Variants in ADORA2B observed in about 807,000 individuals in gnomAD.
ADORA2B encodes adenosine receptor A2b.
ADORA2B carries 18 observed loss-of-function variants against 20.8 expected under a neutral mutation model. That is an observed-to-expected ratio of 0.87 (90% confidence interval 0.60 to 1.29). The LOEUF (loss-of-function observed/expected upper bound fraction) is 1.29. Among genes scored for constraint, ADORA2B ranks in the 50% most tolerant of loss-of-function variants. The probability of loss-of-function intolerance (pLI) is 0.00; values close to 1 mark genes in which losing one functional copy is unlikely to be tolerated. For synonymous variants in ADORA2B, 179 were observed against 178.3 expected, an observed-to-expected ratio of 1.00 and a Z score of -0.03; for missense variants, 441 against 422.7, an observed-to-expected ratio of 1.04 and a Z score of -0.38.
chr17:15,965,421 G>A (rs1026136637), intron 1 of ADORA2B, among the ~76,000 whole-genome samples: 7 of 152,178 alleles, frequency 4.6e-5, no homozygotes, highest in African/African-American at 1.7e-4. Flanking sequence ...GACAGAAAAT[G>A]CAGTTGTGTG....
Position 15,975,049 on chromosome 17 carries a change from C to G in ADORA2B, c.706C>G (p.Leu236Val), listed in dbSNP as rs771264466. Residue 236 changes from leucine to valine, a missense_variant, in exon 2 of 2, where the codon CTG becomes GTG. Physicochemically the swap from Leu to Val is conservative, Grantham distance 32 (BLOSUM62 1). Transcript: ENST00000304222. ...GCGGGAGATCCATGCAGCCAAGTCA[C>G]TGGCCATGATTGTGGGGATTTTTGC... ...LQREIHAAKSLAMIVGIFALC... is the reference protein window; with the variant it reads ...LQREIHAAKSVAMIVGIFALC... The G allele has an allele frequency of 8.7e-6, 14 of 1,614,086 alleles. No homozygotes were observed. Among genetic ancestry groups the G allele is most frequent in the Non-Finnish European group, 1.1e-5 (13 of 1,180,046 alleles).
At chr17:15,942,010 C>T (rs539177793), upstream of ADORA2B, among the ~76,000 whole-genome samples, 60 of 151,834 alleles carry the variant, frequency 4.0e-4, no homozygotes, top group African/African-American at 1.2e-3. Context: ...GGGGAGAGGA[C>T]GGAGAAGGGA....
At chr17:15,927,002 A>G in the ADORA2B span, among the ~76,000 whole-genome samples, 52 of 152,104 alleles carry the variant, frequency 3.4e-4, no homozygotes, top group Non-Finnish European at 6.9e-4. Context: ...AAAATAAGCA[A>G]TCTCTTTGGT....
intron 1 of ADORA2B, among the ~76,000 whole-genome samples, chr17:15,949,746 C>T (rs1453707073): frequency 6.6e-6 from 1 of 151,630 alleles, no homozygotes; most frequent in African/African-American, 2.4e-5. Flanking sequence ...TGGCACGCGC[C>T]TGTAATCCCA....
chr17:15,861,121 ATAAT>A, the ADORA2B span, among the ~76,000 whole-genome samples: 88 of 152,370 alleles, frequency 5.8e-4, no homozygotes, highest in Non-Finnish European at 1.0e-3. Context: ...CTGCATGAAA[ATAAT>A]TAAGATGCAG....
the ADORA2B span, among the ~76,000 whole-genome samples, chr17:15,934,850 A>G: frequency 6.6e-6 from 1 of 152,126 alleles, no homozygotes; most frequent in Non-Finnish European, 1.5e-5. Flanking sequence ...CCTGTTGCCC[A>G]AAGTGGAGTG....
the ADORA2B span, among the ~76,000 whole-genome samples, chr17:15,901,822 C>T: frequency 2.4e-4 from 36 of 152,298 alleles, no homozygotes; most frequent in Admixed American, 1.8e-3. Flanking sequence ...CCACCACCTC[C>T]GCAAGACCAC....
chr17:15,967,146 G>A (rs1046823742), intron 1 of ADORA2B, among the ~76,000 whole-genome samples: 4 of 152,126 alleles, frequency 2.6e-5, no homozygotes, highest in Non-Finnish European at 2.9e-5. Flanking sequence ...CGTGGCAGGT[G>A]GTTACCAGAG....
chr17:15,893,644 C>A, the ADORA2B span, among the ~76,000 whole-genome samples: 1 of 152,178 alleles, frequency 6.6e-6, no homozygotes, highest in Non-Finnish European at 1.5e-5. Flanking sequence ...AAAGAACCAG[C>A]AAGCACCAAC....
At chr17:15,966,446 T>C (rs1970117214) in intron 1 of ADORA2B, among the ~76,000 whole-genome samples, 1 of 152,174 alleles carries the variant, frequency 6.6e-6, no homozygotes, top group Non-Finnish European at 1.5e-5. Context: ...TAGGAGCACC[T>C]TGAGAGCTGG....
the ADORA2B span, among the ~76,000 whole-genome samples, chr17:15,909,263 CAAAAAACACACA>C: frequency 1.3e-5 from 2 of 152,008 alleles, no homozygotes; most frequent in East Asian, 3.9e-4. Flanking sequence ...TTCTCTTATC[CAAAAAACACACA>C]AAAAAACACA....
the ADORA2B span, among the ~76,000 whole-genome samples, chr17:15,937,179 C>T: frequency 7.9e-5 from 12 of 152,198 alleles, no homozygotes; most frequent in African/African-American, 2.6e-4. Flanking sequence ...ATCCTGCCAC[C>T]CCAGGGTTTG....
chr17:15,876,800 A>G, the ADORA2B span, among the ~76,000 whole-genome samples: 1 of 152,036 alleles, frequency 6.6e-6, no homozygotes, highest in Non-Finnish European at 1.5e-5. Flanking sequence ...CATCTGAACC[A>G]TTTTTAAGTG....
At chr17:15,871,048 G>T in the ADORA2B span, among the ~76,000 whole-genome samples, 32 of 152,300 alleles carry the variant, frequency 2.1e-4, no homozygotes, top group African/African-American at 6.3e-4. Context: ...GCTCTCCCGT[G>T]TTGTGGGAGA....
At chr17:15,967,231 C>T (rs1180093616) in intron 1 of ADORA2B, among the ~76,000 whole-genome samples, 24 of 139,294 alleles carry the variant, frequency 1.7e-4, no homozygotes, top group Non-Finnish European at 3.0e-4. Context: ...ACCTGCTTGC[C>T]TTTTTTTTTT....
the ADORA2B span, among the ~76,000 whole-genome samples, chr17:15,905,957 A>G: frequency 2.0e-5 from 3 of 152,232 alleles, no homozygotes; most frequent in Non-Finnish European, 4.4e-5. Context: ...CCCGGCCACA[A>G]TTGAATTTTG....
the ADORA2B span, among the ~76,000 whole-genome samples, chr17:15,908,279 T>C: frequency 6.6e-6 from 1 of 152,192 alleles, no homozygotes; most frequent in Non-Finnish European, 1.5e-5. Flanking sequence ...TTTAAAATGC[T>C]GTCATACGGT....
At chr17:15,904,608 C>T in the ADORA2B span, among the ~76,000 whole-genome samples, 1 of 150,544 alleles carries the variant, frequency 6.6e-6, no homozygotes, top group African/African-American at 2.4e-5. Flanking sequence ...GATCTTCTGA[C>T]GTCATGATCT....
chr17:15,892,607 C>T, the ADORA2B span, among the ~76,000 whole-genome samples: 2 of 152,138 alleles, frequency 1.3e-5, no homozygotes, highest in East Asian at 1.9e-4. Context: ...AATTAGTGTC[C>T]TGCCTCTTTC....
Sources: gnomAD v4.1 joint callset for allele counts (sites outside exome capture counted in the v4.1 genomes callset) on GRCh38, gnomAD v4.1.1 for gene constraint, MANE v1.5 for transcripts, NCBI Gene and HGNC (gene_info 2026-07-23, HGNC 2026-07-21) for gene names.